The following ERBB4 variants were observed in gnomAD, a reference collection of about 807,000 sequenced individuals.
The protein encoded by ERBB4 is erb-b2 receptor tyrosine kinase 4.
ERBB4 carries 42 observed loss-of-function variants against 158.0 expected under a neutral mutation model. That is an observed-to-expected ratio of 0.27 (90% CI 0.21 to 0.34). The LOEUF (loss-of-function observed/expected upper bound fraction) is 0.34, where lower values mean the gene tolerates loss of function less well. Among genes scored for constraint, ERBB4 ranks in the 10% least tolerant of loss-of-function variants. The pLI is 1.00. For synonymous variants in ERBB4, 583 were observed against 558.7 expected (o/e 1.04, Z -0.61); for missense variants, 1,333 against 1,624.1 (o/e 0.82, Z 3.08).
chr2:211,698,043 A>G (rs1391986295), intron 12 of ERBB4, among the ~76,000 whole-genome samples: 1 of 152,192 alleles, frequency 6.6e-6, no homozygotes, highest in Non-Finnish European at 1.5e-5. Context: ...AAGGTCAGGC[A>G]TGGTGGCTCA....
At chr2:211,580,534 C>G (rs987012302) in intron 19 of ERBB4, among the ~76,000 whole-genome samples, 2 of 151,852 alleles carry the variant, frequency 1.3e-5, no homozygotes, top group African/African-American at 4.8e-5. Flanking sequence ...ACAGGGAACA[C>G]TTCTACACTG....
chr2:211,689,076 T>TCAA (rs61072763), intron 12 of ERBB4, among the ~76,000 whole-genome samples: 1,932 of 152,302 alleles, frequency 0.013, 51 homozygotes, highest in African/African-American at 0.044. Context: ...GAATGGCTTA[T>TCAA]CAACAGTTTC....
intron 2 of ERBB4, among the ~76,000 whole-genome samples, chr2:212,069,526 T>C (rs954686115): frequency 2.0e-5 from 3 of 152,084 alleles, no homozygotes; most frequent in African/African-American, 7.2e-5. Flanking sequence ...GTTTACTCCT[T>C]CTGCTTCTAT....
At chr2:212,205,488 T>C (rs1283069569) in intron 1 of ERBB4, among the ~76,000 whole-genome samples, 1 of 152,326 alleles carries the variant, frequency 6.6e-6, no homozygotes, top group South Asian at 2.1e-4. Context: ...GGTCATTTTA[T>C]GATATTATAG....
intron 3 of ERBB4, among the ~76,000 whole-genome samples, chr2:211,807,303 C>G (rs1263851920): frequency 1.3e-5 from 2 of 152,122 alleles, no homozygotes; most frequent in Non-Finnish European, 2.9e-5. Flanking sequence ...TGGCCCCCAC[C>G]CCAAGACAGG....
At chr2:212,071,061 G>T (rs11680668) in intron 2 of ERBB4, among the ~76,000 whole-genome samples, 12,156 of 151,842 alleles carry the variant, frequency 0.08, 692 homozygotes, top group Non-Finnish European at 0.12. Flanking sequence ...CTGCACTCTT[G>T]AACAAGTCAC....
chr2:212,079,682 A>G (rs1457567544), intron 2 of ERBB4, among the ~76,000 whole-genome samples: 2 of 152,078 alleles, frequency 1.3e-5, no homozygotes, highest in East Asian at 3.9e-4. Flanking sequence ...TTAGGCATAG[A>G]TGCTTCCTTT....
At chr2:211,833,128 G>T (rs2105976175) in intron 3 of ERBB4, among the ~76,000 whole-genome samples, 1 of 152,206 alleles carries the variant, frequency 6.6e-6, no homozygotes, top group African/African-American at 2.4e-5. Flanking sequence ...GCATATTCTA[G>T]AATCCTTTCC....
intron 1 of ERBB4, among the ~76,000 whole-genome samples, chr2:212,345,064 G>C (rs973173015): frequency 1.6e-4 from 25 of 151,744 alleles, no homozygotes; most frequent in Non-Finnish European, 1.6e-4. Context: ...GATCGATCGA[G>C]ACCATCCAGG....
intron 20 of ERBB4, among the ~76,000 whole-genome samples, chr2:211,491,642 A>G (rs1355697254): frequency 2.6e-5 from 4 of 152,088 alleles, no homozygotes; most frequent in African/African-American, 9.6e-5. Context: ...TAAATTATAA[A>G]GTTCTTAGGA....
In ERBB4 at chr2:212,532,722, G is replaced by A. The variant is rs539296467; in HGVS notation, c.82+5727C>T. Among the ~76,000 whole-genome samples the A allele has an allele frequency of 1.7e-4, 26 of 152,276 alleles. No individual in the cohort carries two copies. In the South Asian group the frequency reaches 5.2e-3, roughly 30 times the overall value. ...TTCGCTAGCATCACACAATAGCAAGGCTGTTGCTGTACTACCCACAGCTAA... is the reference window on the plus strand; with the variant it reads ...TTCGCTAGCATCACACAATAGCAAGACTGTTGCTGTACTACCCACAGCTAA... On this transcript the variant is annotated intron_variant, in intron 1 of 27. Transcript: ENST00000342788.
chr2:211,385,279 C>A (rs947721173), intron 27 of ERBB4, among the ~76,000 whole-genome samples: 6 of 152,106 alleles, frequency 3.9e-5, no homozygotes, highest in African/African-American at 7.2e-5. Flanking sequence ...AAGACACTAT[C>A]ATTTCATCCT....
At chr2:212,009,793 AC>A (rs1238567649) in intron 2 of ERBB4, among the ~76,000 whole-genome samples, 2 of 151,914 alleles carry the variant, frequency 1.3e-5, no homozygotes, top group African/African-American at 4.8e-5. Context: ...ACAGTTTTTC[AC>A]CCCCATCTCT....
chr2:211,779,225 C>G (rs1467032030), intron 4 of ERBB4: 1 of 152,184 alleles, frequency 6.6e-6, no homozygotes, highest in Non-Finnish European at 1.5e-5. Context: ...GCGGTAACAT[C>G]AAATGATTTC....
At chr2:212,234,748 T>C (rs917119156) in intron 1 of ERBB4, among the ~76,000 whole-genome samples, 1 of 152,242 alleles carries the variant, frequency 6.6e-6, no homozygotes. Context: ...ATGAGCTTTT[T>C]TCATATTTTT....
chr2:211,987,775 T>G lies in ERBB4; in HGVS notation c.235-40159A>C, dbSNP rs537778566. Among the ~76,000 whole-genome samples the G allele has an allele frequency of 8.1e-4, 123 of 152,318 alleles. 1 individual carries two copies. The highest frequency in any genetic ancestry group is 3.5e-3 in the Admixed American group (54 of 15,286). Reference sequence around the variant, plus strand: ...ATTACAAAGTATATTGCCAATCACTTAAACATTCTAATGCCTCAAATAATG... The same window carrying G: ...ATTACAAAGTATATTGCCAATCACTGAAACATTCTAATGCCTCAAATAATG... On this transcript the variant is annotated intron_variant, in intron 2 of 27. Coordinates refer to ENST00000342788, the MANE Select transcript of ERBB4 (RefSeq NM_005235.3).
intron 19 of ERBB4, among the ~76,000 whole-genome samples, chr2:211,612,980 G>A (rs1288105846): frequency 1.3e-5 from 2 of 151,952 alleles, no homozygotes; most frequent in Admixed American, 1.3e-4. Context: ...ATATATAAAT[G>A]GGTGAAATCG....
chr2:211,553,513 T>C (rs1032168756), intron 20 of ERBB4, among the ~76,000 whole-genome samples: 1 of 152,348 alleles, frequency 6.6e-6, no homozygotes, highest in East Asian at 1.9e-4. Context: ...ATTTTTTACG[T>C]GTCATAATTA....
At chr2:212,245,019 T>C (rs1052428684) in intron 1 of ERBB4, among the ~76,000 whole-genome samples, 2 of 152,112 alleles carry the variant, frequency 1.3e-5, no homozygotes, top group African/African-American at 4.8e-5. Flanking sequence ...AGAGCCAGGA[T>C]TTGAATCACA....
Sources: allele counts gnomAD v4.1 joint callset (sites outside exome capture counted in the v4.1 genomes callset), GRCh38; gene constraint gnomAD v4.1.1; transcripts MANE v1.5; gene names NCBI Gene and HGNC (gene_info 2026-07-23, HGNC 2026-07-21).